PRP4K: variants seen among roughly 807,000 people sequenced by gnomAD.
The protein encoded by PRP4K is pre-mRNA processing factor kinase PRP4K, also known as serine/threonine-protein kinase PRP4 homolog.
chr6:4,038,919 C>CTTTTTTTTTT, the PRP4K span, among the ~76,000 whole-genome samples: 11 of 144,262 alleles, frequency 7.6e-5, no homozygotes, highest in African/African-American at 7.7e-5. Context: ...AATTTTTGTG[C>CTTTTTTTTTT]TTTTTTTTTT....
At chr6:4,037,664 C>G in the PRP4K span, 1 of 1,249,892 alleles carries the variant, frequency 8.0e-7, no homozygotes, top group Non-Finnish European at 1.1e-6. Context: ...GACCAGTTTT[C>G]TCTGAAAAAT....
chr6:4,042,714 C>CT, the PRP4K span: 1 of 588,260 alleles, frequency 1.7e-6, no homozygotes, highest in Non-Finnish European at 2.8e-6. Flanking sequence ...AAAAAATGAT[C>CT]TTTTTTTAGT....
the PRP4K span, among the ~76,000 whole-genome samples, chr6:4,028,870 A>G: frequency 1.3e-5 from 2 of 152,134 alleles, no homozygotes; most frequent in African/African-American, 2.4e-5. Context: ...AGTTTATTCA[A>G]GACTATGAGA....
chr6:4,050,173 C>T, the PRP4K span, among the ~76,000 whole-genome samples: 2 of 19,380 alleles, frequency 1.0e-4, 1 homozygote. Context: ...ACTACAGGCG[C>T]CCGCCACTAC....
At chr6:4,052,110 G>A in the PRP4K span, 512 of 1,542,026 alleles carry the variant, frequency 3.3e-4, 1 homozygote, top group East Asian at 6.2e-3. Flanking sequence ...ATGTCAAAAC[G>A]TGTGCATTAA....
At chr6:4,027,712 G>C in the PRP4K span, among the ~76,000 whole-genome samples, 51 of 151,162 alleles carry the variant, frequency 3.4e-4, no homozygotes, top group African/African-American at 1.1e-3. Flanking sequence ...TGTTTTCTCC[G>C]TCATGTAGAT....
the PRP4K span, among the ~76,000 whole-genome samples, chr6:4,024,853 T>C: frequency 6.6e-6 from 1 of 152,292 alleles, no homozygotes; most frequent in South Asian, 2.1e-4. Context: ...TCCGCCAGTC[T>C]CAGCCTCCCA....
chr6:4,026,686 TA>T, the PRP4K span, among the ~76,000 whole-genome samples: 1 of 152,208 alleles, frequency 6.6e-6, no homozygotes, highest in Non-Finnish European at 1.5e-5. Flanking sequence ...CCCTCAGAGA[TA>T]GAGCAGTGAA....
chr6:4,037,258 A>G, the PRP4K span: 2 of 749,890 alleles, frequency 2.7e-6, no homozygotes, highest in Admixed American at 7.0e-5. Context: ...CACCTGAGTA[A>G]GTTTTGTTAC....
At chr6:4,047,082 A>C in the PRP4K span, 1 of 1,069,654 alleles carries the variant, frequency 9.3e-7, no homozygotes, top group South Asian at 1.3e-5. Flanking sequence ...AGGGCAAAAA[A>C]GTTTGAATTA....
At chr6:4,059,851 C>T in the PRP4K span, among the ~76,000 whole-genome samples, 658 of 152,202 alleles carry the variant, frequency 4.3e-3, 3 homozygotes, top group Non-Finnish European at 4.3e-3. Context: ...TGCAGTGTTG[C>T]CCAGGCTGGT....
At chr6:4,062,816 G>C in the PRP4K span, 2 of 152,548 alleles carry the variant, frequency 1.3e-5, no homozygotes, top group Non-Finnish European at 2.9e-5. The surrounding 1 kb of genome is among the most constrained non-coding windows in gnomAD (Gnocchi z 4.2). Context: ...CACAGGTGCA[G>C]CTATTCTACC....
At chr6:4,064,882 CTAAT>C in the PRP4K span, 16 of 152,714 alleles carry the variant, frequency 1.0e-4, no homozygotes, top group African/African-American at 2.9e-4. Flanking sequence ...AGTGTGTACT[CTAAT>C]TATTTATGGT....
At chr6:4,048,195 G>A in the PRP4K span, among the ~76,000 whole-genome samples, 2 of 151,856 alleles carry the variant, frequency 1.3e-5, no homozygotes, top group African/African-American at 4.8e-5. Flanking sequence ...TGGCTAATAC[G>A]GTGAAACCCC....
At chr6:4,063,232 TA>T in the PRP4K span, 1 of 152,178 alleles carries the variant, frequency 6.6e-6, no homozygotes, top group South Asian at 2.1e-4. Context: ...TATTTAGAAT[TA>T]GTGCTGTTGT....
chr6:4,056,304 G>GA, the PRP4K span: 1 of 1,564,654 alleles, frequency 6.4e-7, no homozygotes, highest in Non-Finnish European at 8.8e-7. Flanking sequence ...AAATTCCCTT[G>GA]AAAAAATGTT....
chr6:4,032,240 C>T, the PRP4K span: 1 of 1,613,674 alleles, frequency 6.2e-7, no homozygotes, highest in Admixed American at 1.7e-5. Flanking sequence ...AATCAAAATC[C>T]CCTACCCTTA....
the PRP4K span, among the ~76,000 whole-genome samples, chr6:4,051,236 G>A: frequency 6.6e-6 from 1 of 152,128 alleles, no homozygotes; most frequent in Non-Finnish European, 1.5e-5. Flanking sequence ...AAGGAACCAA[G>A]ACTAGTGTGC....
At chr6:4,046,657 C>A in the PRP4K span, among the ~76,000 whole-genome samples, 2 of 149,992 alleles carry the variant, frequency 1.3e-5, no homozygotes, top group Non-Finnish European at 3.0e-5. Flanking sequence ...TTGGGTCTTT[C>A]AACTTTTTTT....
Sources: allele counts gnomAD v4.1 joint callset (sites outside exome capture counted in the v4.1 genomes callset), GRCh38; gene constraint gnomAD v4.1.1; non-coding constraint Gnocchi (gnomAD v3.1); transcripts MANE v1.5; gene names NCBI Gene and HGNC (gene_info 2026-07-23, HGNC 2026-07-21).